The following SNX24 variants were observed in gnomAD, a reference collection of about 807,000 sequenced individuals.
SNX24 encodes sorting nexin-24.
A neutral mutation model predicts 28.7 loss-of-function variants in SNX24; 22 were observed. The ratio of observed to expected loss-of-function variants is 0.77; its 90% CI spans 0.55 to 1.10. The LOEUF (loss-of-function observed/expected upper bound fraction) is 1.10, where lower values mean the gene tolerates loss of function less well. Among genes scored for constraint, SNX24 ranks in the 50% least tolerant of loss-of-function variants. The pLI, the probability that SNX24 is intolerant of heterozygous loss-of-function variation, is 0.00. For synonymous variants in SNX24, 69 were observed against 71.5 expected (o/e 0.96, Z 0.18); for missense variants, 221 against 201.1 (o/e 1.10, Z -0.60).
intron 1 of SNX24, among the ~76,000 whole-genome samples, chr5:122,859,357 A>G (rs1412658230): frequency 1.3e-5 from 2 of 152,246 alleles, no homozygotes; most frequent in Middle Eastern, 3.4e-3. Context: ...TGATCCCAGC[A>G]CTTTGGAAGG....
intron 6 of SNX24, among the ~76,000 whole-genome samples, chr5:123,003,287 G>T (rs1377169269): frequency 6.6e-6 from 1 of 152,080 alleles, no homozygotes; most frequent in African/African-American, 2.4e-5. Context: ...TGCTGTATAG[G>T]AATATGACCT....
chr5:122,932,205 A>AG (rs1758985646), intron 1 of SNX24, among the ~76,000 whole-genome samples: 1 of 152,236 alleles, frequency 6.6e-6, no homozygotes, highest in Non-Finnish European at 1.5e-5. Flanking sequence ...AAATGAACAG[A>AG]ATGATTTTTG....
rs556955747 is a variant in SNX24, at chr5:122,859,564, T to C, written c.60+13871T>C. 9.2e-5 allele frequency among the ~76,000 whole-genome samples: 14 copies of C among 152,310 alleles called. No homozygotes were observed. In the East Asian group the frequency reaches 2.5e-3, roughly 27 times the overall value. On this transcript the variant is annotated intron_variant, in intron 1 of 6. Transcript: ENST00000261369. The stretch of plus-strand genomic sequence containing the variant: ...CTACAGTGAGCCATGATCAATCTAC[T>C]GCACCCTAGCCTGGGTGGCAGAGCA...
chr5:123,022,130 C>A (rs1003043346), intron 5 of SNX24, among the ~76,000 whole-genome samples: 3 of 152,180 alleles, frequency 2.0e-5, no homozygotes, highest in Non-Finnish European at 2.9e-5. Flanking sequence ...CCCCATGAGG[C>A]CCTTTTCTGT....
At chr5:123,016,912 C>G (rs1303897326) in intron 5 of SNX24, among the ~76,000 whole-genome samples, 1 of 152,014 alleles carries the variant, frequency 6.6e-6, no homozygotes, top group Non-Finnish European at 1.5e-5. Flanking sequence ...TTCCACTTCC[C>G]ATTTCCAGGA....
chr5:122,976,872 G>A (rs907532163), intron 3 of SNX24, among the ~76,000 whole-genome samples: 16 of 152,156 alleles, frequency 1.1e-4, no homozygotes, highest in Admixed American at 5.2e-4. Flanking sequence ...GCATGGCAGC[G>A]GTTTGTTTGC....
intron 1 of SNX24, among the ~76,000 whole-genome samples, chr5:122,898,225 C>T (rs907006842): frequency 3.3e-5 from 5 of 152,164 alleles, no homozygotes; most frequent in African/African-American, 1.2e-4. Context: ...GACATAGATG[C>T]ACTCCTACAG....
chr5:122,849,919 C>A (rs796775529), intron 1 of SNX24, among the ~76,000 whole-genome samples: 24 of 152,240 alleles, frequency 1.6e-4, no homozygotes, highest in African/African-American at 5.8e-4. Context: ...AGGTGTGTAG[C>A]AGCTCAGAGA....
intron 3 of SNX24, among the ~76,000 whole-genome samples, chr5:122,984,674 C>G (rs2150159251): frequency 6.6e-6 from 1 of 152,320 alleles, no homozygotes; most frequent in South Asian, 2.1e-4. Flanking sequence ...AGGTTGCTGT[C>G]TGACTCAGTT....
chr5:122,927,456 A>C (rs1276070525), intron 1 of SNX24, among the ~76,000 whole-genome samples: 1 of 152,144 alleles, frequency 6.6e-6, no homozygotes, highest in East Asian at 1.9e-4. Context: ...CCATCTGAAA[A>C]GGGGATTTTG....
At chr5:122,976,134 G>A (rs1376308716) in intron 3 of SNX24, among the ~76,000 whole-genome samples, 2 of 152,018 alleles carry the variant, frequency 1.3e-5, no homozygotes, top group Admixed American at 6.6e-5. Flanking sequence ...TTCTGATAAG[G>A]AAAGATGTCC....
downstream of SNX24, among the ~76,000 whole-genome samples, chr5:123,013,765 T>G (rs961531301): frequency 1.3e-5 from 2 of 152,322 alleles, 1 homozygote; most frequent in Admixed American, 1.3e-4. Flanking sequence ...AGCTACAATA[T>G]TCTATGTCAT....
At chr5:122,871,768 C>T (rs1162726359) in intron 1 of SNX24, among the ~76,000 whole-genome samples, 2 of 152,022 alleles carry the variant, frequency 1.3e-5, no homozygotes, top group African/African-American at 4.8e-5. Context: ...GAAACTCTGT[C>T]TCAAAAAACA....
Position 122,846,478 on chromosome 5 carries a change from G to A in SNX24, c.60+785G>A, listed in dbSNP as rs1204160813. On this transcript the variant is annotated intron_variant, in intron 1 of 6. Transcript: ENST00000261369. ...ACCTTGGAAGAATTTACTTCCAGTT[G>A]TTAAAGAACCTGTAGGGTTGAAGAA... Among the ~76,000 whole-genome samples, 23 of 152,244 alleles carry A rather than the reference G, an allele frequency of 1.5e-4. 1 individual carries two copies. The highest frequency in any genetic ancestry group is 3.4e-4 in the Non-Finnish European group (23 of 68,040).
At chr5:123,023,807 A>AACACAACAC in intron 5 of SNX24, 2 of 1,293,846 alleles carry the variant, frequency 1.5e-6, no homozygotes, top group Non-Finnish European at 2.0e-6. Context: ...AAGACAACAC[A>AACACAACAC]ACACACACAC....
chr5:122,970,206 C>G (rs1760897825), intron 3 of SNX24, among the ~76,000 whole-genome samples: 1 of 149,252 alleles, frequency 6.7e-6, no homozygotes, highest in South Asian at 2.2e-4. Flanking sequence ...TATCTAGTTG[C>G]CTACCTACCA....
intron 3 of SNX24, among the ~76,000 whole-genome samples, chr5:122,967,365 G>A (rs2150143930): frequency 6.6e-6 from 1 of 152,270 alleles, no homozygotes; most frequent in African/African-American, 2.4e-5. Context: ...AGACAACGTG[G>A]TAGCAACCAC....
chr5:122,964,994 G>T (rs1640691046), intron 3 of SNX24, among the ~76,000 whole-genome samples: 1 of 152,174 alleles, frequency 6.6e-6, no homozygotes, highest in Admixed American at 6.5e-5. Flanking sequence ...GGAGGTGTTG[G>T]TTTTTTTGTT....
At chr5:122,920,294 T>C (rs1416961519) in intron 1 of SNX24, among the ~76,000 whole-genome samples, 3 of 152,200 alleles carry the variant, frequency 2.0e-5, no homozygotes, top group Non-Finnish European at 4.4e-5. Context: ...ACACAAAGGA[T>C]AGAGAAGTAA....
Sources: allele counts gnomAD v4.1 joint callset (sites outside exome capture counted in the v4.1 genomes callset), GRCh38; gene constraint gnomAD v4.1.1; transcripts MANE v1.5; gene names NCBI Gene and HGNC (gene_info 2026-07-23, HGNC 2026-07-21).